The following TNNT1 variants were observed in gnomAD, a reference collection of about 807,000 sequenced individuals.
TNNT1 encodes troponin T, slow skeletal muscle.
TNNT1 carries 53 observed loss-of-function variants against 50.6 expected under a neutral mutation model. The ratio of observed to expected loss-of-function variants is 1.05; its 90% CI spans 0.84 to 1.32. TNNT1 has a LOEUF of 1.32. Ranked by LOEUF, TNNT1 falls within the 40% of genes most tolerant of loss-of-function variation. The probability of loss-of-function intolerance (pLI) is 0.00; values close to 1 mark genes in which losing one functional copy is unlikely to be tolerated. For missense variants in TNNT1, 348 were observed against 381.7 expected (o/e 0.91, Z 0.74); for synonymous variants, 142 against 138.0 (o/e 1.03, Z -0.20).
chr19:55,147,180 A>G lies in TNNT1; in HGVS notation c.-11-12T>C, dbSNP rs762900041. 5.0e-6 allele frequency: 8 copies of G among 1,612,686 alleles called. No homozygotes were observed. In the Admixed American group the frequency reaches 1.3e-4, roughly 27 times the overall value. On this transcript the variant is annotated splice_polypyrimidine_tract_variant and intron_variant, in intron 1 of 13. Transcript: ENST00000588981. ...CATCCTGGTGCGGCCTAAGGACCAG[A>G]GAGAAGAGGCCCAGTGGGGTGGGGC...
At chr19:55,142,040 G>T in intron 6 of TNNT1, 120 bp from the exon 7 acceptor site, 1 of 937,884 alleles carries the variant, frequency 1.1e-6, no homozygotes, top group Non-Finnish European at 1.7e-6. Context: ...GAACGTGGAG[G>T]GTCCCAGCTG....
intron 9 of TNNT1, 128 bp downstream of exon 9, chr19:55,140,755 C>A (rs1423928333): frequency 3.3e-6 from 2 of 608,740 alleles, no homozygotes; most frequent in Non-Finnish European, 4.7e-6. Flanking sequence ...CCAGCCTGGG[C>A]GACAGAGCTA....
chr19:55,146,891 C>G (rs904102961), intron 3 of TNNT1, 117 bp downstream of exon 3: 1 of 1,362,354 alleles, frequency 7.3e-7, no homozygotes, highest in African/African-American at 1.5e-5. Flanking sequence ...AGAGGGCGGG[C>G]GAGGGCCCGA....
Position 55,141,226 on chromosome 19 carries a change from T to G in TNNT1, c.269A>C (p.Lys90Thr). 6.2e-7 allele frequency: 1 copy of G among 1,614,270 alleles called. No individual in the cohort carries two copies. Among genetic ancestry groups the G allele is most frequent in the Non-Finnish European group, 8.5e-7 (1 of 1,180,048 alleles). Reference sequence around the variant, plus strand: ...GGCAACCAGCTCCTCTTCCTCCTTCTTCCGCTGCTCGAAATGTACATCGAT... The same window carrying G: ...GGCAACCAGCTCCTCTTCCTCCTTCGTCCGCTGCTCGAAATGTACATCGAT... ...TLIDVHFEQR[K>T]KEEEELVALK... Residue 90 changes from lysine to threonine, a missense_variant, in exon 8 of 14, where the codon AAG (lysine) becomes ACG (threonine). Transcript: ENST00000588981.
intron 2 of TNNT1, 41 bp downstream of exon 2, chr19:55,147,085 C>G (rs752643641): frequency 1.2e-6 from 2 of 1,613,380 alleles, no homozygotes; most frequent in African/African-American, 1.3e-5. Flanking sequence ...GAGAGCCTCT[C>G]CACCACTGCA....
chr19:55,138,279 T>C (rs2085390315), intron 9 of TNNT1, among the ~76,000 whole-genome samples: 1 of 146,164 alleles, frequency 6.8e-6, no homozygotes, highest in Non-Finnish European at 1.5e-5. Flanking sequence ...CCTTCCCCTC[T>C]GTTTTTTTTT....
At chr19:55,145,493 G>A (rs550685547) in intron 6 of TNNT1, 51 bp downstream of exon 6, 5 of 1,584,056 alleles carry the variant, frequency 3.2e-6, no homozygotes, top group Middle Eastern at 1.7e-4. Context: ...GGGGTAGAGG[G>A]AATATTTAGG....
At position 55,132,936 on chromosome 19, in the gene TNNT1, G is replaced by T; in HGVS notation, c.816C>A (p.Arg272=). The T allele has an allele frequency of 6.2e-7, 1 of 1,603,888 alleles. No individual in the cohort carries two copies. The highest frequency in any genetic ancestry group is 8.5e-7 in the Non-Finnish European group (1 of 1,176,408). Residue 272 remains arginine (R), a synonymous_variant, in exon 14 of 14, where the codon CGC becomes CGA. Transcript: ENST00000588981. ...ATCCTCACTTCCAGCGGCCTCCAAC[G>T]CGGCCCTTCCCTGCCCCCTTCCGGC... The part of the protein sequence containing the change: ...QKFRKGAGKG[R]VGGRWK
In TNNT1 at chr19:55,132,779, C is replaced by A. The variant is rs757641193; in HGVS notation, c.*136G>T. 2.1e-5 allele frequency: 17 copies of A among 814,270 alleles called. No homozygotes were observed. Among genetic ancestry groups the A allele is most frequent in the Non-Finnish European group, 3.1e-5 (15 of 483,440 alleles). 50.4% of individuals were successfully genotyped at this position (814,270 alleles called of 1,614,324 possible). A position where few individuals can be genotyped will look rare whatever the true frequency, so the allele number is the denominator to read the frequency against. ...TGTTGGTAATAAGAAGTCAATTAAC[C>A]AGGAGAGACCAGCTGCATCTCAACC... On this transcript the variant is annotated 3_prime_UTR_variant, in exon 14 of 14. Transcript: ENST00000588981.
chr19:55,145,625 G>A, intron 5 of TNNT1, 60 bp from the exon 6 acceptor site: 1 of 1,592,502 alleles, frequency 6.3e-7, no homozygotes, highest in Admixed American at 1.7e-5. Context: ...GAGGGGCTAG[G>A]CCTGACACAC....
Position 55,141,841 on chromosome 19 carries a change from G to A in TNNT1, c.192+16C>T. 2 of 1,613,786 alleles carry A rather than the reference G, an allele frequency of 1.2e-6. No homozygotes were observed. Among genetic ancestry groups the A allele is most frequent in the Non-Finnish European group, 1.7e-6 (2 of 1,179,776 alleles). On this transcript the variant is annotated intron_variant, in intron 7 of 13. Transcript: ENST00000588981. ...GACTAGCAACTGCGCCTGCGGAGGG[G>A]TCTCTTGTCACTTACATCGAAGTCA... is the stretch of plus-strand genomic sequence containing the variant.
intron 10 of TNNT1, 142 bp from the exon 11 acceptor site, chr19:55,137,354 C>G: frequency 1.5e-6 from 1 of 652,446 alleles, no homozygotes; most frequent in Non-Finnish European, 2.8e-6. Flanking sequence ...TCCTTCAGAC[C>G]TAGGAGTCCA....
At chr19:55,137,759 G>A (rs1477411618) in intron 10 of TNNT1, among the ~76,000 whole-genome samples, 1 of 140,892 alleles carries the variant, frequency 7.1e-6, no homozygotes, top group African/African-American at 2.7e-5. Context: ...AGGAGTCCAG[G>A]ACCCCAGCCC....
intron 11 of TNNT1, among the ~76,000 whole-genome samples, chr19:55,134,458 A>G (rs1333503749): frequency 1.3e-5 from 2 of 151,776 alleles, no homozygotes; most frequent in South Asian, 2.1e-4. Flanking sequence ...GGCAGAGGCC[A>G]GCAGAACACT....
chr19:55,134,653 G>A (rs2085309229), intron 11 of TNNT1, among the ~76,000 whole-genome samples: 1 of 127,588 alleles, frequency 7.8e-6, no homozygotes, highest in South Asian at 2.9e-4. Context: ...TGGCAACAGA[G>A]CAAGACAAAA....
chr19:55,141,498 C>G (rs1219746916), intron 7 of TNNT1, among the ~76,000 whole-genome samples, 196 bp from the exon 8 acceptor site: 7 of 151,734 alleles, frequency 4.6e-5, no homozygotes. Flanking sequence ...GGAGTGGGGA[C>G]CGGCGCCTTT....
At chr19:55,143,697 G>T (rs562470089) in intron 6 of TNNT1, among the ~76,000 whole-genome samples, 1 of 151,850 alleles carries the variant, frequency 6.6e-6, no homozygotes, top group Admixed American at 6.6e-5. Flanking sequence ...CTCCTGCCCC[G>T]ACAGCCCCGT....
chr19:55,148,779 C>G (rs964378086), intron 1 of TNNT1, among the ~76,000 whole-genome samples: 1 of 151,378 alleles, frequency 6.6e-6, no homozygotes, highest in Non-Finnish European at 1.5e-5. Flanking sequence ...TCTTCTGAGA[C>G]CCCCCCAATT....
rs969306839 is a variant in TNNT1 at position 55,148,437 on chromosome 19, C to T, written c.-12+724G>A. Among the ~76,000 whole-genome samples the T allele has an allele frequency of 1.1e-4, 17 of 152,166 alleles. No individual in the cohort carries two copies. In the South Asian group the frequency reaches 3.1e-3, roughly 28 times the overall value. The stretch of plus-strand genomic sequence containing the variant: ...CTCAAAGTCTTTGAGACACCCTAGG[C>T]CACAGGGTGCCTAGCCCCAAATCCC... On this transcript the variant is annotated intron_variant, in intron 1 of 13. Transcript: ENST00000588981.
Sources: allele counts gnomAD v4.1 joint callset (sites outside exome capture counted in the v4.1 genomes callset), GRCh38; gene constraint gnomAD v4.1.1; transcripts MANE v1.5; gene names NCBI Gene and HGNC (gene_info 2026-07-23, HGNC 2026-07-21).